POLR1C: variants seen among roughly 807,000 people sequenced by gnomAD.
The protein encoded by POLR1C is DNA-directed RNA polymerases I and III subunit RPAC1.
POLR1C carries 42 observed loss-of-function variants against 38.3 expected under a neutral mutation model. The observed-to-expected ratio is 1.10, with a 90% CI of 0.86 to 1.42. The LOEUF is 1.42. Among genes scored for constraint, POLR1C ranks in the 40% most tolerant of loss-of-function variants. The probability of loss-of-function intolerance (pLI) is 0.00; values close to 1 mark genes in which losing one functional copy is unlikely to be tolerated. For missense variants in POLR1C, 507 were observed against 450.5 expected, an observed-to-expected ratio of 1.13 and a Z score of -1.14; for synonymous variants, 163 against 163.9, an observed-to-expected ratio of 0.99 and a Z score of 0.04.
At chr6:43,533,681 T>C (rs1284458726), downstream of POLR1C, 7 of 299,254 alleles carry the variant, frequency 2.3e-5, no homozygotes, top group Admixed American at 4.3e-5. Flanking sequence ...AACAAAAAAA[T>C]TTTAAAGTTC....
Position 43,519,736 on chromosome 6 carries a change from G to T in POLR1C, c.280G>T (p.Val94Leu), listed in dbSNP as rs1366683047. The T allele has an allele frequency of 1.9e-6, 3 of 1,614,126 alleles. No homozygotes were observed. Among genetic ancestry groups the T allele is most frequent in the Non-Finnish European group, 2.5e-6 (3 of 1,180,018 alleles). Residue 94 changes from valine to leucine, a missense_variant, in exon 4 of 9, where the codon GTG (valine) becomes TTG (leucine). Physicochemically the swap from Val to Leu is conservative, Grantham distance 32. Transcript: ENST00000642195. ...AACTATGGCTGTGGAGAAGGTCCTG[G>T]TGTACAATAATACATCCATTGTTCA... ...VPTMAVEKVLVYNNTSIVQDE... is the reference protein window; with the variant it reads ...VPTMAVEKVLLYNNTSIVQDE...
At chr6:43,543,381 A>C (rs1430501262) in intron 9 of POLR1C, among the ~76,000 whole-genome samples, 19 of 152,182 alleles carry the variant, frequency 1.2e-4, no homozygotes, top group Admixed American at 1.2e-3. Flanking sequence ...TGAGCCCATG[A>C]GGTCGAGGCT....
intron 9 of POLR1C, among the ~76,000 whole-genome samples, chr6:43,540,062 C>A (rs551505458): frequency 1.3e-5 from 2 of 152,162 alleles, no homozygotes; most frequent in Non-Finnish European, 2.9e-5. Flanking sequence ...TGAGAACCAG[C>A]CTGGCCAACA....
intron 10 of POLR1C, chr6:43,560,865 A>T: frequency 7.6e-7 from 1 of 1,313,988 alleles, no homozygotes; most frequent in South Asian, 1.2e-5. Flanking sequence ...TTCAGGACAC[A>T]GTGCTTGACA....
At chr6:43,542,038 C>T (rs1165338798) in intron 9 of POLR1C, among the ~76,000 whole-genome samples, 2 of 152,110 alleles carry the variant, frequency 1.3e-5, no homozygotes, top group African/African-American at 4.8e-5. Flanking sequence ...AGGCCTTAGC[C>T]TCCCAAAGTG....
At chr6:43,550,481 G>C (rs1795175561) in intron 9 of POLR1C, among the ~76,000 whole-genome samples, 1 of 152,084 alleles carries the variant, frequency 6.6e-6, no homozygotes, top group Admixed American at 6.6e-5. Flanking sequence ...TTCTGTGGGG[G>C]CTTCTCATTT....
At position 43,538,139 on chromosome 6, in the gene POLR1C, CTTTTTTTTTTTTTTTT is replaced by C. The variant is rs1160662301; in HGVS notation, c.*4+8793_*4+8808del. On this transcript the variant is annotated intron_variant, in intron 9 of 10. Coordinates refer to the POLR1C transcript ENST00000607635. ...TATAAATTTAGAGCCTAAGAGACAT[CTTTTTTTTTTTTTTTT>C]TTTTTTTTTTTTGAAACAGAGATTT... 1.6e-4 allele frequency among the ~76,000 whole-genome samples: 8 copies of C among 48,942 alleles called. No homozygotes were observed. The East Asian group carries it at 4.0e-3, about 24-fold the overall frequency. 32.1% of individuals were successfully genotyped at this position (48,942 alleles called of 152,430 possible).
chr6:43,546,574 A>G, intron 9 of POLR1C: 3 of 1,607,120 alleles, frequency 1.9e-6, no homozygotes, highest in Non-Finnish European at 2.5e-6. Context: ...GACTCACCTT[A>G]TAAGCGCAAG....
intron 9 of POLR1C, among the ~76,000 whole-genome samples, chr6:43,546,988 C>G (rs1440668152): frequency 6.6e-6 from 1 of 152,134 alleles, no homozygotes; most frequent in African/African-American, 2.4e-5. Flanking sequence ...TTGCAGTAAG[C>G]TGTCTTTCTA....
intron 10 of POLR1C, among the ~76,000 whole-genome samples, chr6:43,557,440 T>C (rs1277034846): frequency 6.6e-6 from 1 of 151,400 alleles, no homozygotes; most frequent in African/African-American, 2.4e-5. Flanking sequence ...AAAAAAGAAA[T>C]CAAGTACTGA....
rs911014463 is a variant in POLR1C at position 43,527,606 on chromosome 6, A to G, written c.923-1643A>G. On this transcript the variant is annotated intron_variant, in intron 8 of 8. Coordinates refer to the POLR1C transcript ENST00000304004. ...AGCTCTTCTTCCAGGAAAATCCTCT[A>G]TAGCCCCAGTTTCGACATGCCACTT... The G allele has an allele frequency of 3.1e-6, 5 of 1,611,428 alleles. No homozygotes were observed. The African/African-American group carries it at 4.0e-5, about 13-fold the overall frequency.
intron 10 of POLR1C, chr6:43,560,941 T>G: frequency 6.2e-7 from 1 of 1,613,942 alleles, no homozygotes; most frequent in Admixed American, 1.7e-5. Context: ...GGATGGGTTG[T>G]GAAAGCAAGA....
chr6:43,562,241 G>A, exon 11 of POLR1C: 1 of 1,599,756 alleles, frequency 6.3e-7, no homozygotes, highest in Non-Finnish European at 8.5e-7. Flanking sequence ...GCAAACACTA[G>A]CTCACCAGCA....
At chr6:43,524,409 G>A (rs921581557), downstream of POLR1C, 1 of 1,549,708 alleles carries the variant, frequency 6.5e-7, no homozygotes, top group Non-Finnish European at 8.7e-7. Flanking sequence ...CTGGTTTATG[G>A]TTTGCCCATA....
intron 8 of POLR1C, chr6:43,528,996 C>G: frequency 2.1e-6 from 3 of 1,410,006 alleles, no homozygotes; most frequent in Non-Finnish European, 2.9e-6. Context: ...TGGGTTGCAC[C>G]CCTGGGCAGA....
chr6:43,549,366 GGATGCTTATAT>G, intron 9 of POLR1C: 1 of 958,706 alleles, frequency 1.0e-6, no homozygotes, highest in Non-Finnish European at 1.5e-6. Flanking sequence ...GCCCGGCCAA[GGATGCTTATAT>G]GATGCAAAGC....
At chr6:43,528,082 C>G (rs1450953829) in intron 8 of POLR1C, 5 of 1,423,326 alleles carry the variant, frequency 3.5e-6, no homozygotes, top group Admixed American at 2.0e-5. Flanking sequence ...ACAGCAGAAT[C>G]CCTGCCCGCT....
chr6:43,554,298 A>T (rs1761901633), intron 10 of POLR1C, among the ~76,000 whole-genome samples: 1 of 151,560 alleles, frequency 6.6e-6, no homozygotes, highest in Non-Finnish European at 1.5e-5. Context: ...TTTTTAGTAG[A>T]GACGAGGTTT....
intron 9 of POLR1C, chr6:43,539,591 C>T (rs866507024): frequency 1.2e-5 from 16 of 1,372,552 alleles, no homozygotes; most frequent in Non-Finnish European, 1.6e-5. Context: ...TCCACGGCTG[C>T]GACCCCGGCC....
Sources: allele counts gnomAD v4.1 joint callset (sites outside exome capture counted in the v4.1 genomes callset), GRCh38; gene constraint gnomAD v4.1.1; transcripts MANE v1.5; gene names NCBI Gene and HGNC (gene_info 2026-07-23, HGNC 2026-07-21).